The following NOMO1 variants were observed in gnomAD, a reference collection of about 807,000 sequenced individuals.
NOMO1 encodes nodal modulator 3.
In NOMO1, 40 loss-of-function variants were observed where a neutral mutation model predicts 133.8. That is an observed-to-expected ratio of 0.30 (90% confidence interval 0.23 to 0.39). The LOEUF is 0.39. NOMO1 is among the 10% of genes least tolerant of loss of function. The probability of loss-of-function intolerance (pLI) is 1.00; values close to 1 mark genes in which losing one functional copy is unlikely to be tolerated. For missense variants in NOMO1, 462 were observed against 1,419.9 expected (o/e 0.33, Z 10.84); for synonymous variants, 236 against 570.5 (o/e 0.41, Z 8.36).
intron 15 of NOMO1, among the ~76,000 whole-genome samples, chr16:14,867,767 A>T (rs1964025289): frequency 1.3e-5 from 2 of 149,974 alleles, no homozygotes; most frequent in South Asian, 4.2e-4. Flanking sequence ...GCTTAATTAC[A>T]AAAACTCGAC....
chr16:14,860,741 CAAAG>C (rs1396920626), intron 11 of NOMO1, among the ~76,000 whole-genome samples: 1 of 151,858 alleles, frequency 6.6e-6, no homozygotes, highest in Non-Finnish European at 1.5e-5. Context: ...GTATTTGGGT[CAAAG>C]AAAGAAAAAT....
At chr16:14,841,757 G>T (rs1963607101) in intron 3 of NOMO1, among the ~76,000 whole-genome samples, 1 of 151,854 alleles carries the variant, frequency 6.6e-6, no homozygotes, top group Admixed American at 6.6e-5. Flanking sequence ...AGCCCCCTCA[G>T]TTTTTTAAGT....
chr16:14,857,574 A>G lies in NOMO1; in HGVS notation c.1139A>G (p.Gln380Arg). The part of the protein sequence containing the change: ...ITTGTYTIHA[Q>R]KEHLYFETVT... Reference sequence around the variant, plus strand: ...ACAGGGACATACACCATCCATGCTCAGAAAGAGCACCTCTACTTTGAAACG... The same window carrying G: ...ACAGGGACATACACCATCCATGCTCGGAAAGAGCACCTCTACTTTGAAACG... The change falls in exon 11 of 31, where the codon CAG (glutamine) becomes CGG (arginine). Residue 380 changes from glutamine (Q) to arginine (R), a missense_variant. Gln to Arg is a conservative substitution (Grantham distance 43, BLOSUM62 1). Transcript: ENST00000287667. 5.6e-6 allele frequency: 9 copies of G among 1,612,546 alleles called. No individual in the cohort carries two copies. Among genetic ancestry groups the G allele is most frequent in the Non-Finnish European group, 7.6e-6 (9 of 1,179,504 alleles).
chr16:14,869,878 G>A (rs1383733563), intron 16 of NOMO1, among the ~76,000 whole-genome samples: 1 of 144,298 alleles, frequency 6.9e-6, no homozygotes, highest in Non-Finnish European at 1.5e-5. Context: ...CGAGGGTTCC[G>A]GTTTCTTCAC....
intron 2 of NOMO1, among the ~76,000 whole-genome samples, chr16:14,839,080 AGTCTCGCTCTG>A: frequency 6.6e-6 from 1 of 150,666 alleles, no homozygotes; most frequent in South Asian, 2.1e-4. Flanking sequence ...TTTGAGATGG[AGTCTCGCTCTG>A]TCGCCCAGGC....
intron 15 of NOMO1, among the ~76,000 whole-genome samples, chr16:14,867,176 A>ATTTTTTTTTTTTTT (rs1174703237): frequency 2.7e-4 from 2 of 7,476 alleles, no homozygotes; most frequent in East Asian, 2.5e-3. Flanking sequence ...ATATATATAT[A>ATTTTTTTTTTTTTT]TTTTTTTTTT....
At chr16:14,875,810 G>T (rs963833621) in intron 20 of NOMO1, among the ~76,000 whole-genome samples, 3 of 151,876 alleles carry the variant, frequency 2.0e-5, no homozygotes, top group Admixed American at 2.0e-4. Flanking sequence ...CTGTTGTTCG[G>T]CAGAGCATGA....
chr16:14,855,558 C>T (rs1468832454), intron 9 of NOMO1, among the ~76,000 whole-genome samples: 15 of 151,820 alleles, frequency 9.9e-5, no homozygotes, highest in Admixed American at 8.5e-4. Context: ...GGTGCAGACT[C>T]TGCATTTTAA....
At chr16:14,879,284 G>A (rs1320342815) in intron 23 of NOMO1, among the ~76,000 whole-genome samples, 1 of 151,820 alleles carries the variant, frequency 6.6e-6, no homozygotes, top group Non-Finnish European at 1.5e-5. Flanking sequence ...GTGTGTGTTA[G>A]TTGGTCATCT....
intron 20 of NOMO1, among the ~76,000 whole-genome samples, chr16:14,875,945 G>A (rs987369542): frequency 1.3e-5 from 2 of 150,848 alleles, no homozygotes; most frequent in East Asian, 1.9e-4. Flanking sequence ...TATGTGGTTC[G>A]TGTTTGGAAG....
At chr16:14,879,008 C>G (rs1964203743) in intron 23 of NOMO1, among the ~76,000 whole-genome samples, 174 bp downstream of exon 23, 1 of 151,968 alleles carries the variant, frequency 6.6e-6, no homozygotes, top group Non-Finnish European at 1.5e-5. Context: ...GAACTTAATG[C>G]TGCTGATTCA....
chr16:14,858,691 G>C (rs1453502136), intron 11 of NOMO1, among the ~76,000 whole-genome samples: 2 of 152,112 alleles, frequency 1.3e-5, no homozygotes, highest in African/African-American at 4.8e-5. Flanking sequence ...CGGGGCGTAG[G>C]GGCTTTCTCC....
chr16:14,875,720 G>A (rs1208220138), intron 20 of NOMO1, among the ~76,000 whole-genome samples: 1 of 151,944 alleles, frequency 6.6e-6, no homozygotes, highest in Non-Finnish European at 1.5e-5. Flanking sequence ...AAAAGGACTT[G>A]GTTTTCTTTG....
intron 16 of NOMO1, among the ~76,000 whole-genome samples, chr16:14,869,750 T>C (rs1004055710): frequency 6.6e-5 from 10 of 152,010 alleles, no homozygotes; most frequent in South Asian, 6.2e-4. Flanking sequence ...TTTTCTTGTT[T>C]CGATACCTGG....
rs1412998150 is a variant in NOMO1, at chr16:14,865,138, TC to T, written c.1655del (p.Pro552LeufsTer6). On this transcript the variant is annotated frameshift_variant, in exon 14 of 31. Coordinates refer to ENST00000287667, the MANE Select transcript of NOMO1 (RefSeq NM_014287.4). LOFTEE classifies it high-confidence loss of function. ...NAMTFTFDNVLPGKYKISIMH... is the reference protein window; with the variant it reads ...NAMTFTFDNVXPGKYKISIMH... ...ATGACTTTCACCTTTGACAACGTGCTCCCTGGAAAATACAAAAGTAAGAATT... is the reference window on the plus strand; with the variant it reads ...ATGACTTTCACCTTTGACAACGTGCTCCTGGAAAATACAAAAGTAAGAATT... 1 of 1,441,960 alleles carries T rather than the reference TC, an allele frequency of 6.9e-7. No individual in the cohort carries two copies. Among genetic ancestry groups the T allele is most frequent in the African/African-American group, 1.4e-5 (1 of 69,150 alleles). The allele number at this position is 1,441,960 out of a possible 1,614,324, so 89.3% of individuals were successfully genotyped here. A position where few individuals can be genotyped will look rare whatever the true frequency, so the allele number is the denominator to read the frequency against.
At chr16:14,892,718 A>G (rs1253996875) in intron 29 of NOMO1, among the ~76,000 whole-genome samples, 1 of 150,936 alleles carries the variant, frequency 6.6e-6, no homozygotes, top group African/African-American at 2.4e-5. Flanking sequence ...CAGGGCCCTC[A>G]CAGGTTGATC....
intron 1 of NOMO1, among the ~76,000 whole-genome samples, chr16:14,836,580 G>A (rs1303024703): frequency 1.3e-5 from 2 of 151,526 alleles, no homozygotes; most frequent in Admixed American, 6.6e-5. Context: ...AGCTGTGCAG[G>A]TACATTTAGG....
At chr16:14,889,302 C>A in intron 29 of NOMO1, 87 bp downstream of exon 29, 3 of 1,609,570 alleles carry the variant, frequency 1.9e-6, no homozygotes, top group Non-Finnish European at 2.5e-6. Flanking sequence ...GAGGCCAAGG[C>A]TGGTGGATCT....
At position 14,864,690 on chromosome 16, in the gene NOMO1, T is replaced by C; in HGVS notation, c.1501T>C (p.Phe501Leu). ...RPMMDVAFVQ[F>L]LASVSGKVSC... ...CATGATGGATGTGGCCTTTGTACAGTTCTTGGCATCAGTTTCTGGGAAAGT... is the reference window on the plus strand; with the variant it reads ...CATGATGGATGTGGCCTTTGTACAGCTCTTGGCATCAGTTTCTGGGAAAGT... Residue 501 changes from phenylalanine to leucine, a missense_variant, in exon 13 of 31, where the codon TTC (phenylalanine) becomes CTC (leucine). Coordinates refer to ENST00000287667, the MANE Select transcript of NOMO1 (RefSeq NM_014287.4). 2.5e-6 allele frequency: 4 copies of C among 1,613,296 alleles called. 1 individual carries two copies. The highest frequency in any genetic ancestry group is 3.4e-6 in the Non-Finnish European group (4 of 1,179,726).
Sources: gnomAD v4.1 joint callset for allele counts (sites outside exome capture counted in the v4.1 genomes callset) on GRCh38, gnomAD v4.1.1 for gene constraint, MANE v1.5 for transcripts, NCBI Gene and HGNC (gene_info 2026-07-23, HGNC 2026-07-21) for gene names.